SRBD1: variants seen among roughly 807,000 people sequenced by gnomAD.
SRBD1 encodes the protein S1 RNA-binding domain-containing protein 1.
In SRBD1, 88 loss-of-function variants were observed where a neutral mutation model predicts 115.3. The ratio of observed to expected loss-of-function variants is 0.76; its 90% CI spans 0.64 to 0.91. SRBD1 has a LOEUF of 0.91. SRBD1 is among the 40% of genes least tolerant of loss of function. The pLI, the probability that SRBD1 is intolerant of heterozygous loss-of-function variation, is 0.00. For missense variants in SRBD1, 1,385 were observed against 1,177.4 expected (o/e 1.18, Z -2.58); for synonymous variants, 509 against 407.7 (o/e 1.25, Z -2.99).
intron 14 of SRBD1, among the ~76,000 whole-genome samples, chr2:45,545,853 G>A (rs1161913282): frequency 6.6e-6 from 1 of 152,138 alleles, no homozygotes; most frequent in Non-Finnish European, 1.5e-5. Flanking sequence ...ATAACTGCCT[G>A]GCCTTTACCT....
chr2:45,509,119 C>T (rs1265300585), intron 14 of SRBD1, among the ~76,000 whole-genome samples: 1 of 152,098 alleles, frequency 6.6e-6, no homozygotes, highest in Non-Finnish European at 1.5e-5. Context: ...TCTGAAGCAA[C>T]ATAACTAATT....
chr2:45,429,747 C>T (rs918240105), intron 16 of SRBD1, among the ~76,000 whole-genome samples: 1 of 152,200 alleles, frequency 6.6e-6, no homozygotes, highest in South Asian at 2.1e-4. Flanking sequence ...AGGATGCCCT[C>T]TCTCACCACT....
chr2:45,543,215 C>T (rs543354894), intron 14 of SRBD1, among the ~76,000 whole-genome samples: 1 of 152,242 alleles, frequency 6.6e-6, no homozygotes, highest in African/African-American at 2.4e-5. Flanking sequence ...CAACTTAACT[C>T]CAGTTTAACT....
At chr2:45,544,738 C>G (rs890978120) in intron 14 of SRBD1, among the ~76,000 whole-genome samples, 3 of 152,078 alleles carry the variant, frequency 2.0e-5, no homozygotes, top group African/African-American at 7.2e-5. Context: ...CATCTAATTT[C>G]ACAGCACTTT....
chr2:45,413,324 G>C (rs780874094), intron 18 of SRBD1, 31 bp from the exon 19 acceptor site: 1 of 1,593,804 alleles, frequency 6.3e-7, no homozygotes, highest in Non-Finnish European at 8.5e-7. Flanking sequence ...CCACATTTAT[G>C]AAAAGGGGAA....
At chr2:45,579,035 A>G (rs1450409409) in intron 7 of SRBD1, among the ~76,000 whole-genome samples, 1 of 152,192 alleles carries the variant, frequency 6.6e-6, no homozygotes, top group Non-Finnish European at 1.5e-5. Flanking sequence ...GAGAGTAGAG[A>G]CCACCAAAAC....
intron 12 of SRBD1, among the ~76,000 whole-genome samples, chr2:45,548,431 C>G (rs1672188019): frequency 6.6e-6 from 1 of 151,888 alleles, no homozygotes; most frequent in Non-Finnish European, 1.5e-5. Context: ...TAAAAGATAT[C>G]TACCATTATA....
In SRBD1 at chr2:45,576,434, G is replaced by A. The variant is rs61241979; in HGVS notation, c.1073-1711C>T. Among the ~76,000 whole-genome samples, 8 of 152,198 alleles carry A rather than the reference G, an allele frequency of 5.3e-5. No homozygotes were observed. In the East Asian group the frequency reaches 1.2e-3, roughly 22 times the overall value. On this transcript the variant is annotated intron_variant, in intron 7 of 20. Coordinates refer to ENST00000263736, the MANE Select transcript of SRBD1 (RefSeq NM_018079.5). ...TTTTCAACTTTGAAGAGGGAGTCGG[G>A]GGGGGTGGGGGTTGTTCCCCTAATC...
At chr2:45,490,049 A>G (rs1670246727) in intron 14 of SRBD1, among the ~76,000 whole-genome samples, 1 of 152,162 alleles carries the variant, frequency 6.6e-6, no homozygotes, top group Admixed American at 6.5e-5. Flanking sequence ...CCATAACTTC[A>G]GAGACCAGCT....
chr2:45,433,148 C>A (rs1668390217), intron 16 of SRBD1, among the ~76,000 whole-genome samples: 1 of 152,092 alleles, frequency 6.6e-6, no homozygotes, highest in Non-Finnish European at 1.5e-5. Flanking sequence ...CTTCCTGCCC[C>A]TTAGTACTGC....
Position 45,389,468 on chromosome 2 carries a change from C to A in SRBD1, c.2830G>T (p.Gly944Trp), listed in dbSNP as rs1558545770. 2.5e-6 allele frequency: 4 copies of A among 1,613,916 alleles called. No individual in the cohort carries two copies. Among genetic ancestry groups the A allele is most frequent in the Non-Finnish European group, 3.4e-6 (4 of 1,179,968 alleles). The change falls in exon 21 of 21, where the codon GGG becomes TGG. Residue 944 changes from glycine (G) to tryptophan (W), a missense_variant. Transcript: ENST00000263736. Reference sequence around the variant, plus strand: ...GTTACATTTCGTATGGGAATCAGCCCAGATTTCCCCACTCCTATATCCACA... The same window carrying A: ...GTTACATTTCGTATGGGAATCAGCCAAGATTTCCCCACTCCTATATCCACA... ...IFVDIGVGKS[G>W]LIPIRNVTEA...
At chr2:45,600,989 T>A (rs1437182609) in intron 3 of SRBD1, among the ~76,000 whole-genome samples, 1 of 152,120 alleles carries the variant, frequency 6.6e-6, no homozygotes, top group Non-Finnish European at 1.5e-5. Flanking sequence ...GAGTATTAAA[T>A]TTTTTGCCCA....
intron 14 of SRBD1, among the ~76,000 whole-genome samples, chr2:45,528,720 A>G (rs1671524975): frequency 6.6e-6 from 1 of 151,866 alleles, no homozygotes; most frequent in Non-Finnish European, 1.5e-5. Flanking sequence ...ATATACAGAG[A>G]AGACAAAGCG....
At chr2:45,467,008 C>T (rs1669508194) in intron 16 of SRBD1, among the ~76,000 whole-genome samples, 1 of 152,204 alleles carries the variant, frequency 6.6e-6, no homozygotes, top group Admixed American at 6.5e-5. Context: ...ATTTTATATG[C>T]ATAGTCAAGT....
chr2:45,409,757 C>G (rs1667543812), intron 19 of SRBD1, among the ~76,000 whole-genome samples: 1 of 152,002 alleles, frequency 6.6e-6, no homozygotes, highest in Non-Finnish European at 1.5e-5. Flanking sequence ...TTTAAAAACT[C>G]CATTTACAAT....
At chr2:45,476,043 A>G (rs895476471) in intron 16 of SRBD1, among the ~76,000 whole-genome samples, 6 of 152,238 alleles carry the variant, frequency 3.9e-5, no homozygotes, top group African/African-American at 1.4e-4. Flanking sequence ...ACTTGTAGCT[A>G]GATCAGTCCC....
chr2:45,395,526 T>C (rs1667120015), intron 19 of SRBD1, among the ~76,000 whole-genome samples: 1 of 152,222 alleles, frequency 6.6e-6, no homozygotes, highest in Non-Finnish European at 1.5e-5. Context: ...CTCACACATA[T>C]AAGCCTGAGG....
At chr2:45,480,087 AAAAGATTCCCTTC>A (rs1455330356) in intron 15 of SRBD1, among the ~76,000 whole-genome samples, 2 of 152,192 alleles carry the variant, frequency 1.3e-5, no homozygotes, top group Non-Finnish European at 2.9e-5. Flanking sequence ...TGCTCAGAAA[AAAAGATTCCCTTC>A]AAAATATTAG....
chr2:45,494,207 G>A (rs1373046190), intron 14 of SRBD1, among the ~76,000 whole-genome samples: 2 of 151,996 alleles, frequency 1.3e-5, no homozygotes, highest in Non-Finnish European at 2.9e-5. Context: ...AGAAAAAGCA[G>A]GCTTATGTAA....
Sources: gnomAD v4.1 joint callset for allele counts (sites outside exome capture counted in the v4.1 genomes callset) on GRCh38, gnomAD v4.1.1 for gene constraint, MANE v1.5 for transcripts, NCBI Gene and HGNC (gene_info 2026-07-23, HGNC 2026-07-21) for gene names.